LOC128706666: variants seen among roughly 807,000 people sequenced by gnomAD.
chr20:10,422,293 C>G, the LOC128706666 span, among the ~76,000 whole-genome samples: 1 of 152,082 alleles, frequency 6.6e-6, no homozygotes, highest in South Asian at 2.1e-4. Context: ...ATGGCCTTTT[C>G]CTTTTCTAAC....
At chr20:10,426,676 G>A in the LOC128706666 span, among the ~76,000 whole-genome samples, 4 of 152,358 alleles carry the variant, frequency 2.6e-5, no homozygotes, top group Non-Finnish European at 5.9e-5. Flanking sequence ...GGGATTACAG[G>A]CATGAGCCAT....
the LOC128706666 span, among the ~76,000 whole-genome samples, chr20:10,428,170 G>A: frequency 6.6e-6 from 1 of 152,214 alleles, no homozygotes; most frequent in Non-Finnish European, 1.5e-5. Flanking sequence ...GCAAGCTGTG[G>A]TTTATCACAA....
the LOC128706666 span, among the ~76,000 whole-genome samples, chr20:10,418,680 G>C: frequency 1.3e-5 from 2 of 152,156 alleles, no homozygotes; most frequent in Non-Finnish European, 2.9e-5. Flanking sequence ...TTTCCTCCAA[G>C]AGTATTTCTT....
At chr20:10,415,217 T>C in the LOC128706666 span, among the ~76,000 whole-genome samples, 65 of 152,266 alleles carry the variant, frequency 4.3e-4, no homozygotes, top group African/African-American at 1.5e-3. Flanking sequence ...AAAGGTATAT[T>C]ATTCGTTAGT....
At chr20:10,427,390 T>A in the LOC128706666 span, among the ~76,000 whole-genome samples, 1 of 152,330 alleles carries the variant, frequency 6.6e-6, no homozygotes, top group South Asian at 2.1e-4. Flanking sequence ...TTCCACTGAA[T>A]GTAATTTAAT....
At chr20:10,426,543 G>A in the LOC128706666 span, among the ~76,000 whole-genome samples, 1 of 152,172 alleles carries the variant, frequency 6.6e-6, no homozygotes, top group African/African-American at 2.4e-5. Flanking sequence ...GAGATTACAG[G>A]CCCACGCCAC....
the LOC128706666 span, among the ~76,000 whole-genome samples, chr20:10,432,985 C>T: frequency 6.6e-6 from 1 of 152,072 alleles, no homozygotes; most frequent in African/African-American, 2.4e-5. Context: ...CAGATGTAAC[C>T]ATCTTTTTTC....
chr20:10,432,789 CAAAAAAAAAA>C, the LOC128706666 span, among the ~76,000 whole-genome samples: 4 of 74,590 alleles, frequency 5.4e-5, no homozygotes, highest in African/African-American at 1.9e-4. Flanking sequence ...GACTCTTTGT[CAAAAAAAAAA>C]AAAAAAAAAA....
the LOC128706666 span, among the ~76,000 whole-genome samples, chr20:10,426,528 T>C: frequency 6.6e-6 from 1 of 152,108 alleles, no homozygotes; most frequent in Non-Finnish European, 1.5e-5. Context: ...GCCTCCCAGG[T>C]AGCTGAGATT....
chr20:10,428,840 T>C, the LOC128706666 span, among the ~76,000 whole-genome samples: 3 of 90,326 alleles, frequency 3.3e-5, no homozygotes, highest in Non-Finnish European at 7.6e-5. Context: ...CAAGACTCCG[T>C]CTCAATAAAT....
At chr20:10,432,562 G>A in the LOC128706666 span, among the ~76,000 whole-genome samples, 1 of 152,110 alleles carries the variant, frequency 6.6e-6, no homozygotes, top group African/African-American at 2.4e-5. Context: ...GGATGCCGAG[G>A]CGGGTGGATC....
At chr20:10,424,250 T>C in the LOC128706666 span, among the ~76,000 whole-genome samples, 1 of 151,098 alleles carries the variant, frequency 6.6e-6, no homozygotes, top group Non-Finnish European at 1.5e-5. Flanking sequence ...AAAAAATATA[T>C]ATTAAATAAA....
chr20:10,421,347 T>G, the LOC128706666 span, among the ~76,000 whole-genome samples: 1 of 151,116 alleles, frequency 6.6e-6, no homozygotes, highest in East Asian at 1.9e-4. Flanking sequence ...TTGCTTGAAC[T>G]TGGGAGGTGG....
chr20:10,433,323 C>T, the LOC128706666 span, among the ~76,000 whole-genome samples: 1 of 152,194 alleles, frequency 6.6e-6, no homozygotes, highest in Non-Finnish European at 1.5e-5. Flanking sequence ...TATTTTCTAT[C>T]CGCAGTTGGT....
chr20:10,418,922 T>C, the LOC128706666 span, among the ~76,000 whole-genome samples: 2 of 152,158 alleles, frequency 1.3e-5, no homozygotes, highest in Non-Finnish European at 2.9e-5. Flanking sequence ...ATACAAATTT[T>C]ATATAGAATG....
chr20:10,414,281 T>TTTTC, the LOC128706666 span, among the ~76,000 whole-genome samples: 3 of 151,612 alleles, frequency 2.0e-5, no homozygotes, highest in East Asian at 5.8e-4. Context: ...TTTTTTTTTT[T>TTTTC]TGAGATGGAG....
At chr20:10,426,519 C>A in the LOC128706666 span, among the ~76,000 whole-genome samples, 3 of 152,220 alleles carry the variant, frequency 2.0e-5, no homozygotes, top group African/African-American at 7.2e-5. Flanking sequence ...CGTACCTCAG[C>A]CTCCCAGGTA....
the LOC128706666 span, among the ~76,000 whole-genome samples, chr20:10,427,980 G>C: frequency 1.3e-5 from 2 of 152,192 alleles, no homozygotes; most frequent in African/African-American, 2.4e-5. Flanking sequence ...ACAGGTATGC[G>C]TAAGTATCTT....
the LOC128706666 span, among the ~76,000 whole-genome samples, chr20:10,426,491 C>T: frequency 1.3e-5 from 2 of 150,082 alleles, no homozygotes; most frequent in East Asian, 3.9e-4. Context: ...CCTCCGCATG[C>T]CAGATTTAAG....
Sources: gnomAD v4.1 joint callset for allele counts (sites outside exome capture counted in the v4.1 genomes callset) on GRCh38, gnomAD v4.1.1 for gene constraint, MANE v1.5 for transcripts.